Variants in SEMA3A observed in about 807,000 individuals in gnomAD.
The protein encoded by SEMA3A is semaphorin-3A.
SEMA3A carries 29 observed loss-of-function variants against 97.9 expected under a neutral mutation model. The ratio of observed to expected loss-of-function variants is 0.30; its 90% CI spans 0.22 to 0.40. The LOEUF (loss-of-function observed/expected upper bound fraction) is 0.40. Ranked by LOEUF, SEMA3A falls within the 10% of genes least tolerant of loss-of-function variation. SEMA3A has a pLI of 1.00. For synonymous variants in SEMA3A, 321 were observed against 323.7 expected (o/e 0.99, Z 0.09); for missense variants, 763 against 951.3 (o/e 0.80, Z 2.60).
intron 13 of SEMA3A, 38 bp downstream of exon 13, chr7:83,985,398 A>G: frequency 6.8e-7 from 1 of 1,461,712 alleles, no homozygotes; most frequent in Non-Finnish European, 9.5e-7. Flanking sequence ...GAATTAACAA[A>G]ATATTGGATA....
chr7:84,028,807 G>A (rs753928455), intron 6 of SEMA3A, among the ~76,000 whole-genome samples: 4 of 151,988 alleles, frequency 2.6e-5, no homozygotes, highest in Admixed American at 6.6e-5. Context: ...TTTTAGTAGA[G>A]ACGGGGTTTC....
At chr7:84,104,184 T>C (rs1057434515) in intron 4 of SEMA3A, among the ~76,000 whole-genome samples, 2 of 152,132 alleles carry the variant, frequency 1.3e-5, no homozygotes, top group Admixed American at 6.5e-5. Context: ...TCAGATACTA[T>C]AGTGCTCACT....
intron 3 of SEMA3A, among the ~76,000 whole-genome samples, chr7:84,277,018 A>G (rs1427856515): frequency 6.6e-6 from 1 of 152,084 alleles, no homozygotes. Context: ...ATGGCTTTAC[A>G]TGTACCTAAA....
At chr7:84,486,897 A>C (rs1473679725) in intron 1 of SEMA3A, among the ~76,000 whole-genome samples, 1 of 152,116 alleles carries the variant, frequency 6.6e-6, no homozygotes, top group East Asian at 1.9e-4. Context: ...CACCAGAAAA[A>C]AAAGATTAAA....
chr7:84,302,728 C>A (rs1485873087), intron 3 of SEMA3A, among the ~76,000 whole-genome samples: 3 of 151,958 alleles, frequency 2.0e-5, no homozygotes, highest in East Asian at 3.9e-4. Flanking sequence ...TCAAAAGAGT[C>A]CCAAAACAAA....
intron 4 of SEMA3A, among the ~76,000 whole-genome samples, chr7:84,110,142 G>A (rs564643082): frequency 6.6e-6 from 1 of 152,232 alleles, no homozygotes; most frequent in Non-Finnish European, 1.5e-5. Context: ...GGAAAAGGAG[G>A]AGAAGGCTGG....
chr7:84,014,774 G>A (rs1231738154), intron 6 of SEMA3A, among the ~76,000 whole-genome samples: 1 of 151,798 alleles, frequency 6.6e-6, no homozygotes, highest in Non-Finnish European at 1.5e-5. Context: ...AGACTAGGTG[G>A]GCAGGGAAAA....
At chr7:84,451,985 AATCTAT>A (rs1805568327) in intron 1 of SEMA3A, among the ~76,000 whole-genome samples, 1 of 152,130 alleles carries the variant, frequency 6.6e-6, no homozygotes, top group Admixed American at 6.5e-5. Flanking sequence ...TCCTACTCTT[AATCTAT>A]AAGTGAATTT....
At chr7:84,191,191 T>C (rs1168047532) in intron 1 of SEMA3A, among the ~76,000 whole-genome samples, 2 of 150,674 alleles carry the variant, frequency 1.3e-5, no homozygotes, top group African/African-American at 2.4e-5. Context: ...TTTTATTTAA[T>C]TGATAACCTC....
intron 5 of SEMA3A, among the ~76,000 whole-genome samples, chr7:84,050,401 C>T (rs551010178): frequency 7.0e-4 from 107 of 152,148 alleles, no homozygotes; most frequent in African/African-American, 2.6e-3. Context: ...GATTGCCATT[C>T]TAACTGGTGT....
rs561897958 is a variant in SEMA3A, at chr7:84,228,175, G to A, written c.-82-33507C>T. Among the ~76,000 whole-genome samples, 4 of 151,996 alleles carry A rather than the reference G, an allele frequency of 2.6e-5. No individual in the cohort carries two copies. The South Asian group carries it at 8.3e-4, about 32-fold the overall frequency. The stretch of plus-strand genomic sequence containing the variant: ...GAGCTAGGATGAGATGGTTGGGCCT[G>A]GAATAAATGGAGGACTAAGCAATGG... On this transcript the variant is annotated intron_variant, in intron 3 of 3. Transcript: ENST00000424555.
intron 4 of SEMA3A, among the ~76,000 whole-genome samples, chr7:84,081,299 C>T (rs763876308): frequency 6.6e-6 from 1 of 151,496 alleles, no homozygotes; most frequent in Non-Finnish European, 1.5e-5. Context: ...TAAAAATTTC[C>T]CAAGCTTGTA....
intron 1 of SEMA3A, among the ~76,000 whole-genome samples, chr7:84,481,021 TG>T (rs1336054757): frequency 6.6e-6 from 1 of 152,170 alleles, no homozygotes. Context: ...TGAGGGTGAC[TG>T]TTTTTGAAAG....
intron 1 of SEMA3A, among the ~76,000 whole-genome samples, chr7:84,169,235 A>G (rs1208578260): frequency 6.6e-6 from 1 of 151,556 alleles, no homozygotes; most frequent in Non-Finnish European, 1.5e-5. Context: ...AATAATGAAT[A>G]TGATCAAATG....
chr7:84,065,096 G>A (rs201142714), intron 4 of SEMA3A, among the ~76,000 whole-genome samples: 7,019 of 144,166 alleles, frequency 0.049, 1 homozygote, highest in East Asian at 0.18. Context: ...AATCAAACTA[G>A]AACTCAGGAT....
chr7:83,980,123 A>G (rs1353319538), intron 14 of SEMA3A, among the ~76,000 whole-genome samples: 1 of 152,224 alleles, frequency 6.6e-6, no homozygotes, highest in African/African-American at 2.4e-5. Flanking sequence ...AATTTCATCC[A>G]CCATTCTCAT....
chr7:84,465,926 T>G (rs542644403), intron 1 of SEMA3A, among the ~76,000 whole-genome samples: 1 of 152,290 alleles, frequency 6.6e-6, no homozygotes, highest in South Asian at 2.1e-4. Flanking sequence ...ATCTTCTGTA[T>G]GAAGCTGCTC....
chr7:83,965,099 ATTT>A (rs11332458), intron 15 of SEMA3A, among the ~76,000 whole-genome samples: 3 of 143,368 alleles, frequency 2.1e-5, no homozygotes, highest in African/African-American at 7.6e-5. Context: ...ACTTTTTTGT[ATTT>A]TTTTTTTTTT....
Position 83,999,542 on chromosome 7 carries a change from A to C in SEMA3A, c.1452+2413T>G, listed in dbSNP as rs139997121. ...AATTAAGTCCTAGAAACTGAGATGG[A>C]TAACACATCAGAGTCTTTGAGCTGC... On this transcript the variant is annotated intron_variant, in intron 12 of 16. Transcript: ENST00000265362. 6.8e-3 allele frequency among the ~76,000 whole-genome samples: 1,035 copies of C among 152,276 alleles called. 2 individuals are homozygous for C. Among genetic ancestry groups the C allele is most frequent in the Non-Finnish European group, 0.011 (731 of 67,992 alleles).
Sources: gnomAD v4.1 joint callset for allele counts (sites outside exome capture counted in the v4.1 genomes callset) on GRCh38, gnomAD v4.1.1 for gene constraint, MANE v1.5 for transcripts, NCBI Gene and HGNC (gene_info 2026-07-23, HGNC 2026-07-21) for gene names.